NLRP2: variants seen among roughly 807,000 people sequenced by gnomAD.
NLRP2 encodes the protein NLR family pyrin domain containing 2, also known as NACHT, LRR and PYD domains-containing protein 2.
NLRP2 carries 107 observed loss-of-function variants against 97.2 expected under a neutral mutation model. That is an observed-to-expected ratio of 1.10 (90% CI 0.94 to 1.29). The LOEUF (loss-of-function observed/expected upper bound fraction) is 1.29. Among genes scored for constraint, NLRP2 ranks in the 50% most tolerant of loss-of-function variants. The probability of loss-of-function intolerance (pLI) is 0.00; values close to 1 mark genes in which losing one functional copy is unlikely to be tolerated. For synonymous variants in NLRP2, 663 were observed against 551.5 expected, an observed-to-expected ratio of 1.20 and a Z score of -2.83; for missense variants, 1,495 against 1,330.3, an observed-to-expected ratio of 1.12 and a Z score of -1.93.
rs1174612376 is a variant in NLRP2 at position 54,982,383 on chromosome 19, G to T, written c.685G>T (p.Asp229Tyr). The change falls in exon 6 of 13, where the codon GAC (aspartate) becomes TAC (tyrosine). Residue 229 changes from aspartate (D) to tyrosine (Y), a missense_variant. Physicochemically the swap from Asp to Tyr is radical, Grantham distance 160. Coordinates refer to ENST00000448584, the MANE Select transcript of NLRP2 (RefSeq NM_017852.5). Reference sequence around the variant, plus strand: ...CACGCTGGCCCAGAAACTAATGCTAGACTGGGCAGAGGACAACCTCATCCA... The same window carrying T: ...CACGCTGGCCCAGAAACTAATGCTATACTGGGCAGAGGACAACCTCATCCA... ...KTTLAQKLML[D>Y]WAEDNLIHKF... 1.9e-6 allele frequency: 3 copies of T among 1,614,100 alleles called. No homozygotes were observed. The South Asian group carries it at 3.3e-5, about 18-fold the overall frequency.
Position 54,969,948 on chromosome 19 carries a change from A to C in NLRP2, c.-17-51A>C, listed in dbSNP as rs2070734622. ...CACAGCAGGAACTGGCATTTGAGAC[A>C]GGAGTGCTAATCACCATCCCTCTCC... On this transcript the variant is annotated intron_variant, in intron 1 of 12. Coordinates refer to ENST00000448584, the MANE Select transcript of NLRP2 (RefSeq NM_017852.5). The C allele has an allele frequency of 1.0e-5, 16 of 1,567,920 alleles. No individual in the cohort carries two copies. In the Admixed American group the frequency reaches 2.5e-4, roughly 25 times the overall value.
chr19:54,979,174 G>A (rs2071422085), intron 4 of NLRP2, among the ~76,000 whole-genome samples: 1 of 151,628 alleles, frequency 6.6e-6, no homozygotes, highest in Admixed American at 6.6e-5. Flanking sequence ...TAGTACAGAT[G>A]GGGTTTCAAC....
At chr19:54,990,369 T>C in intron 9 of NLRP2, 133 bp from the exon 10 acceptor site, 1 of 1,120,278 alleles carries the variant, frequency 8.9e-7, no homozygotes, top group East Asian at 2.4e-5. Flanking sequence ...TATTCCTTCA[T>C]AGGATCACCA....
rs1479553974 is a variant in NLRP2, at chr19:54,982,152, A to G, written c.464-10A>G. On this transcript the variant is annotated splice_polypyrimidine_tract_variant and intron_variant, in intron 5 of 12. Transcript: ENST00000448584. ...ATCCTCTCTCCCTTCCCTCCTCACCAATGATAAAGACAAAGACAATAGGTG... is the reference window on the plus strand; with the variant it reads ...ATCCTCTCTCCCTTCCCTCCTCACCGATGATAAAGACAAAGACAATAGGTG... 1 of 1,613,988 alleles carries G rather than the reference A, an allele frequency of 6.2e-7. No individual in the cohort carries two copies. Among genetic ancestry groups the G allele is most frequent in the South Asian group, 1.1e-5 (1 of 91,076 alleles).
intron 2 of NLRP2, among the ~76,000 whole-genome samples, chr19:54,970,740 T>C (rs2070790449): frequency 6.7e-6 from 1 of 149,878 alleles, no homozygotes. Flanking sequence ...AACCCTGGTG[T>C]CTGTCCTGGT....
intron 2 of NLRP2, 48 bp downstream of exon 2, chr19:54,970,343 C>T (rs1448380954): frequency 5.6e-6 from 9 of 1,606,834 alleles, no homozygotes; most frequent in Non-Finnish European, 5.1e-6. Flanking sequence ...AGCAGGCGTC[C>T]TCTCCAGGAC....
intron 7 of NLRP2, 59 bp from the exon 8 acceptor site, chr19:54,986,092 A>AT: frequency 8.6e-7 from 1 of 1,161,058 alleles, no homozygotes; most frequent in Non-Finnish European, 1.3e-6. Context: ...CCTGGTTTCC[A>AT]TTTAAGTACG....
intron 10 of NLRP2, chr19:54,993,177 C>CT (rs2072597845): frequency 6.6e-6 from 1 of 150,398 alleles, no homozygotes; most frequent in Admixed American, 6.7e-5. Context: ...TGAGATTGTG[C>CT]CACTGTACTC....
At chr19:54,983,858 GT>G (rs778775672) in intron 6 of NLRP2, 130 bp downstream of exon 6, 2 of 1,356,990 alleles carry the variant, frequency 1.5e-6, no homozygotes, top group Non-Finnish European at 2.1e-6. Context: ...CTCTTTGTTT[GT>G]TTTTGTTTTG....
chr19:54,966,924 C>T (rs751619674), intron 1 of NLRP2, among the ~76,000 whole-genome samples: 1 of 148,420 alleles, frequency 6.7e-6, no homozygotes, highest in African/African-American at 2.5e-5. Flanking sequence ...TCACTGAACC[C>T]TTGACCTCTC....
In NLRP2 at chr19:54,982,616, G is replaced by A. The variant is rs1161320383; in HGVS notation, c.918G>A (p.Gly306=). The change falls in exon 6 of 13, where the codon GGG becomes GGA. Residue 306 remains glycine, a synonymous_variant. Transcript: ENST00000448584. The part of the protein sequence containing the change: ...APGALIEDIC[G]DWEKKKPVPV... ...GGGCGCTGATCGAGGACATCTGCGG[G>A]GACTGGGAGAAGAAGAAGCCGGTGC... 1.1e-5 allele frequency: 18 copies of A among 1,614,008 alleles called. No homozygotes were observed. Among genetic ancestry groups the A allele is most frequent in the Non-Finnish European group, 1.5e-5 (18 of 1,180,034 alleles).
intron 12 of NLRP2, among the ~76,000 whole-genome samples, chr19:54,997,888 A>G (rs1160182933): frequency 6.6e-6 from 1 of 151,592 alleles, no homozygotes; most frequent in African/African-American, 2.4e-5. Context: ...GTTCCTGAGT[A>G]GGTAGGTTTA....
intron 12 of NLRP2, among the ~76,000 whole-genome samples, chr19:54,999,041 C>CGGGGCGGCTGGCCGGG: frequency 6.8e-6 from 1 of 147,730 alleles, no homozygotes; most frequent in Non-Finnish European, 1.5e-5. Context: ...CCCTCCCGGA[C>CGGGGCGGCTGGCCGGG]AGGGCGGCTG....
intron 12 of NLRP2, among the ~76,000 whole-genome samples, chr19:54,998,021 CTTTCT>C (rs1344337183): frequency 4.7e-5 from 6 of 127,430 alleles, no homozygotes; most frequent in Admixed American, 8.5e-5. Flanking sequence ...TTTGTTTTTT[CTTTCT>C]TTTTTTTTTT....
intron 4 of NLRP2, among the ~76,000 whole-genome samples, chr19:54,978,845 T>TAA (rs78482875): frequency 1.2e-4 from 17 of 136,276 alleles, no homozygotes; most frequent in African/African-American, 2.1e-4. Context: ...GACTCCATCT[T>TAA]AAAAAAAAAA....
intron 3 of NLRP2, among the ~76,000 whole-genome samples, chr19:54,975,118 T>G (rs1311458079): frequency 0.051 from 1,155 of 22,448 alleles, 88 homozygotes; most frequent in African/African-American, 0.27. Flanking sequence ...TTTTTTTTTT[T>G]TTTTTTTTTT....
intron 2 of NLRP2, among the ~76,000 whole-genome samples, chr19:54,971,163 A>T (rs1168045138): frequency 1.3e-5 from 2 of 151,424 alleles, no homozygotes; most frequent in African/African-American, 4.8e-5. Flanking sequence ...ATCATTTTTT[A>T]TGGCTGCATT....
intron 1 of NLRP2, among the ~76,000 whole-genome samples, chr19:54,968,794 C>T (rs2070652598): frequency 6.6e-6 from 1 of 150,594 alleles, no homozygotes; most frequent in Non-Finnish European, 1.5e-5. Context: ...CTCCCACTCC[C>T]AGGTTCAAGC....
Position 54,977,789 on chromosome 19 carries a change from C to T in NLRP2, c.363C>T (p.Asp121=), listed in dbSNP as rs766281650. Residue 121 remains aspartate (D), a synonymous_variant, in exon 4 of 13, where the codon GAC becomes GAT. Transcript: ENST00000448584. ...TRKERPPLDV[D]EMLERFKTEA... is the part of the protein sequence containing the mutation. ...AAGAACGACCACCTCTAGACGTGGACGAAATGCTGGAGCGCTTCAAAACAG... is the reference window on the plus strand; with the variant it reads ...AAGAACGACCACCTCTAGACGTGGATGAAATGCTGGAGCGCTTCAAAACAG... 3.1e-6 allele frequency: 5 copies of T among 1,613,804 alleles called. No individual in the cohort carries two copies. Among genetic ancestry groups the T allele is most frequent in the Non-Finnish European group, 2.5e-6 (3 of 1,180,014 alleles).
Sources: gnomAD v4.1 joint callset for allele counts (sites outside exome capture counted in the v4.1 genomes callset) on GRCh38, gnomAD v4.1.1 for gene constraint, MANE v1.5 for transcripts, NCBI Gene and HGNC (gene_info 2026-07-23, HGNC 2026-07-21) for gene names.